Variants in ADAMTSL1 observed in about 807,000 individuals in gnomAD.
The protein encoded by ADAMTSL1 is ADAMTS like 1.
Under a neutral mutation model 201.8 loss-of-function variants are expected in ADAMTSL1, and 126 were observed. The observed-to-expected ratio is 0.62, with a 90% CI of 0.54 to 0.72. The LOEUF (loss-of-function observed/expected upper bound fraction) is 0.72. Among genes scored for constraint, ADAMTSL1 ranks in the 30% least tolerant of loss-of-function variants. The pLI is 0.00. For missense variants in ADAMTSL1, 2,679 were observed against 2,277.8 expected (o/e 1.18, Z -3.59); for synonymous variants, 1,121 against 903.4 (o/e 1.24, Z -4.32).
In ADAMTSL1 at chr9:17,951,941, C is replaced by T. The variant is rs540534923; in HGVS notation, c.87+45019C>T. Among the ~76,000 whole-genome samples, 30 of 152,100 alleles carry T rather than the reference C, an allele frequency of 2.0e-4. No homozygotes were observed. The South Asian group carries it at 5.2e-3, about 26-fold the overall frequency. ...TTAGTCTCCAGAGTAGCTGGGACCA[C>T]AGGCATGCACCATCTTGCCCGGCTA... On this transcript the variant is annotated intron_variant, in intron 1 of 29. Transcript: ENST00000680146.
At chr9:18,650,583 C>G (rs1023786376) in intron 7 of ADAMTSL1, among the ~76,000 whole-genome samples, 2 of 152,148 alleles carry the variant, frequency 1.3e-5, no homozygotes, top group African/African-American at 4.8e-5. Flanking sequence ...ATTTTTGTTT[C>G]TTTAAAAGGA....
intron 2 of ADAMTSL1, among the ~76,000 whole-genome samples, chr9:18,400,184 T>A (rs531061589): frequency 7.5e-4 from 114 of 152,310 alleles, no homozygotes; most frequent in African/African-American, 2.7e-3. Context: ...AGTATAATAA[T>A]AATAAAAAAG....
chr9:18,477,381 T>C (rs188498800), intron 1 of ADAMTSL1, among the ~76,000 whole-genome samples: 6 of 152,330 alleles, frequency 3.9e-5, no homozygotes, highest in Non-Finnish European at 5.9e-5. Context: ...AATTTCTTTT[T>C]CTTCTCTGTA....
intron 1 of ADAMTSL1, among the ~76,000 whole-genome samples, chr9:18,002,705 T>C (rs576374673): frequency 2.0e-5 from 3 of 152,158 alleles, no homozygotes; most frequent in African/African-American, 7.2e-5. Context: ...ATACACTCAG[T>C]GAGGATTCTG....
rs138935507 is a variant in ADAMTSL1 at position 18,123,577 on chromosome 9, C to G, written c.88-40285C>G. Among the ~76,000 whole-genome samples, 109 of 152,208 alleles carry G rather than the reference C, an allele frequency of 7.2e-4. 2 individuals carry two copies. The East Asian group carries it at 0.02, about 29-fold the overall frequency. On this transcript the variant is annotated intron_variant, in intron 1 of 29. Coordinates refer to the ADAMTSL1 transcript ENST00000680146. ...TAGATCACCTTTCCTTCAGAGATCT[C>G]AGATAACTTTTAAAAATAAACAGCT...
At chr9:18,623,010 C>G (rs1826129487) in intron 5 of ADAMTSL1, among the ~76,000 whole-genome samples, 1 of 152,164 alleles carries the variant, frequency 6.6e-6, no homozygotes, top group Non-Finnish European at 1.5e-5. Flanking sequence ...ATTCTCTTGC[C>G]TCAACCTTGC....
rs562550889 is a variant in ADAMTSL1, at chr9:18,407,032, C to T, written c.208-97797C>T. On this transcript the variant is annotated intron_variant, in intron 2 of 29. Coordinates refer to the ADAMTSL1 transcript ENST00000680146. The stretch of plus-strand genomic sequence containing the variant: ...TTGAGTTTCTATTAGGCAACAAACA[C>T]TGTCCTAGTAATTAGGACTATAAAA... 2.0e-4 allele frequency among the ~76,000 whole-genome samples: 31 copies of T among 152,344 alleles called. No homozygotes were observed. In the South Asian group the frequency reaches 6.4e-3, roughly 32 times the overall value.
At chr9:18,776,556 A>G (rs1821006458) in intron 18 of ADAMTSL1, among the ~76,000 whole-genome samples, 1 of 152,186 alleles carries the variant, frequency 6.6e-6, no homozygotes, top group South Asian at 2.1e-4. Flanking sequence ...TTGATGGTCC[A>G]CAGCCGGGAA....
chr9:18,459,168 T>G (rs1820718294), intron 2 of ADAMTSL1, among the ~76,000 whole-genome samples: 1 of 152,226 alleles, frequency 6.6e-6, no homozygotes, highest in East Asian at 1.9e-4. Context: ...TTCCATTATT[T>G]AGACATTCAT....
chr9:17,989,015 A>G (rs77721831), intron 1 of ADAMTSL1, among the ~76,000 whole-genome samples: 9 of 151,940 alleles, frequency 5.9e-5, no homozygotes, highest in Non-Finnish European at 1.2e-4. Context: ...CCAAGAACCA[A>G]TTTTCACCCT....
chr9:18,199,764 T>C (rs960310537), intron 2 of ADAMTSL1, among the ~76,000 whole-genome samples: 3 of 152,122 alleles, frequency 2.0e-5, no homozygotes, highest in Non-Finnish European at 4.4e-5. Context: ...GGTAGTTTGG[T>C]ACAGGATGCA....
intron 23 of ADAMTSL1, among the ~76,000 whole-genome samples, chr9:18,862,167 G>A (rs1428778924): frequency 6.6e-6 from 1 of 152,154 alleles, no homozygotes; most frequent in Non-Finnish European, 1.5e-5. Flanking sequence ...CTGCTATGCT[G>A]TGGCTTTGGT....
At chr9:18,035,020 C>A (rs1430496385) in intron 1 of ADAMTSL1, among the ~76,000 whole-genome samples, 1 of 152,086 alleles carries the variant, frequency 6.6e-6, no homozygotes, top group Non-Finnish European at 1.5e-5. Context: ...CAGGTTTGAT[C>A]CCAACTGTCT....
intron 26 of ADAMTSL1, among the ~76,000 whole-genome samples, chr9:18,896,429 AG>A (rs1213720495): frequency 1.3e-5 from 2 of 152,194 alleles, no homozygotes; most frequent in Non-Finnish European, 2.9e-5. Flanking sequence ...GTGCAGAAAG[AG>A]GGGGAGGGGC....
At chr9:18,732,513 G>A (rs921089672) in intron 15 of ADAMTSL1, among the ~76,000 whole-genome samples, 4 of 152,212 alleles carry the variant, frequency 2.6e-5, no homozygotes, top group African/African-American at 9.7e-5. Flanking sequence ...TTAATATCCT[G>A]TGTGACATGA....
At chr9:18,612,288 G>A (rs1825427612) in intron 4 of ADAMTSL1, among the ~76,000 whole-genome samples, 1 of 152,198 alleles carries the variant, frequency 6.6e-6, no homozygotes, top group Admixed American at 6.6e-5. Context: ...TTCTTTTAGA[G>A]AGTGTTCTTT....
At chr9:18,665,306 A>C (rs1198795520) in intron 9 of ADAMTSL1, among the ~76,000 whole-genome samples, 2 of 152,124 alleles carry the variant, frequency 1.3e-5, no homozygotes, top group East Asian at 1.9e-4. Context: ...GCTTTATAAT[A>C]GGTAAACATT....
chr9:18,721,307 C>G lies in ADAMTSL1; in HGVS notation c.1877-229C>G, dbSNP rs111680130. On this transcript the variant is annotated intron_variant, in intron 14 of 28. Transcript: ENST00000380548. ...GCCTCTCTTCTGTGGGGGAGTTGCC[C>G]TCCTCAAGGAGCATGCTCACAGAGG... Among the ~76,000 whole-genome samples the G allele has an allele frequency of 1.1e-3, 166 of 152,262 alleles. 1 individual carries two copies. The highest frequency in any genetic ancestry group is 3.8e-3 in the African/African-American group (156 of 41,538).
At chr9:18,753,211 G>A (rs1819558383) in intron 15 of ADAMTSL1, 87 bp from the exon 16 acceptor site, 2 of 1,321,628 alleles carry the variant, frequency 1.5e-6, no homozygotes, top group African/African-American at 2.9e-5. Flanking sequence ...TTCCCAGTTA[G>A]GGGTTTTAAC....
Sources: gnomAD v4.1 joint callset for allele counts (sites outside exome capture counted in the v4.1 genomes callset) on GRCh38, gnomAD v4.1.1 for gene constraint, MANE v1.5 for transcripts, NCBI Gene and HGNC (gene_info 2026-07-23, HGNC 2026-07-21) for gene names.